Variants in MTG1 observed in about 807,000 individuals in gnomAD.
MTG1 encodes mitochondrial ribosome-associated GTPase 1.
In MTG1, 30 loss-of-function variants were observed where a neutral mutation model predicts 39.5. The ratio of observed to expected loss-of-function variants is 0.76; its 90% CI spans 0.57 to 1.03. MTG1 has a LOEUF of 1.03. Ranked by LOEUF, MTG1 falls within the 50% of genes least tolerant of loss-of-function variation. MTG1 has a pLI of 0.00. For missense variants in MTG1, 513 were observed against 447.4 expected, an observed-to-expected ratio of 1.15 and a Z score of -1.32; for synonymous variants, 217 against 179.0, an observed-to-expected ratio of 1.21 and a Z score of -1.69.
At position 133,419,703 on chromosome 10, in the gene MTG1, C is replaced by T. The variant is rs866526348; in HGVS notation, c.865+111C>T. The T allele has an allele frequency of 7.5e-5, 68 of 908,910 alleles. No individual in the cohort carries two copies. The African/African-American group carries it at 8.7e-4, about 12-fold the overall frequency. 56.3% of individuals were successfully genotyped at this position (908,910 alleles called of 1,614,324 possible). ...GAGGAACGTGTCAAGGAGCATGCGC[C>T]GGGTCTTCTGGGAATGGGTTTCAGG... is the stretch of plus-strand genomic sequence containing the variant. On this transcript the variant is annotated intron_variant, in intron 10 of 10. Transcript: ENST00000317502.
rs751647817 is a variant in MTG1 at position 133,419,603 on chromosome 10, T to C, written c.865+11T>C. On this transcript the variant is annotated intron_variant, in intron 10 of 10. Transcript: ENST00000317502. ...TGCTCACGGGCACGGGTGAGTGAGGTCGCTGATGCGGGCACCGGAGCCTCA... is the reference window on the plus strand; with the variant it reads ...TGCTCACGGGCACGGGTGAGTGAGGCCGCTGATGCGGGCACCGGAGCCTCA... 1 of 1,585,274 alleles carries C rather than the reference T, an allele frequency of 6.3e-7. No individual in the cohort carries two copies. The highest frequency in any genetic ancestry group is 2.3e-5 in the East Asian group (1 of 43,584).
chr10:133,402,299 C>G lies in MTG1; in HGVS notation c.670+54C>G. On this transcript the variant is annotated intron_variant, in intron 8 of 10. Coordinates refer to ENST00000317502, the MANE Select transcript of MTG1 (RefSeq NM_138384.4). The surrounding 1 kb of genome is among the most constrained non-coding windows in gnomAD (Gnocchi z 4.7). ...GCTGGGACCGGGGCCCCTGCCACCCCACCTTTAGGGCTGGCTTTGGCACAG... is the reference window on the plus strand; with the variant it reads ...GCTGGGACCGGGGCCCCTGCCACCCGACCTTTAGGGCTGGCTTTGGCACAG... 1 of 1,605,052 alleles carries G rather than the reference C, an allele frequency of 6.2e-7. No individual in the cohort carries two copies. Among genetic ancestry groups the G allele is most frequent in the Admixed American group, 1.7e-5 (1 of 59,992 alleles).
Position 133,420,206 on chromosome 10 carries a change from A to G in MTG1, c.*41A>G. On this transcript the variant is annotated 3_prime_UTR_variant, in exon 11 of 11. Coordinates refer to ENST00000317502, the MANE Select transcript of MTG1 (RefSeq NM_138384.4). Reference sequence around the variant, plus strand: ...GAGGGCCGGAGGCATGTGGCCTCCCAGACCTCCTGACCTGGGTGGTTGAGG... The same window carrying G: ...GAGGGCCGGAGGCATGTGGCCTCCCGGACCTCCTGACCTGGGTGGTTGAGG... 2 of 1,569,102 alleles carry G rather than the reference A, an allele frequency of 1.3e-6. No individual in the cohort carries two copies. Among genetic ancestry groups the G allele is most frequent in the Non-Finnish European group, 1.7e-6 (2 of 1,158,088 alleles).
rs200970219 is a variant in MTG1, at chr10:133,419,432, C to T, written c.753-48C>T. On this transcript the variant is annotated intron_variant, in intron 9 of 10. Coordinates refer to ENST00000317502, the MANE Select transcript of MTG1 (RefSeq NM_138384.4). Reference sequence around the variant, plus strand: ...GAAGGGCCCGGCCTGGCTGGCCGCGCGGTGTCAGTGCTGGGCCCCCTGGTG... The same window carrying T: ...GAAGGGCCCGGCCTGGCTGGCCGCGTGGTGTCAGTGCTGGGCCCCCTGGTG... The T allele has an allele frequency of 5.7e-5, 86 of 1,502,702 alleles. 1 individual carries two copies. In the Admixed American group the frequency reaches 8.8e-4, roughly 15 times the overall value. 93.1% of individuals were successfully genotyped at this position (1,502,702 alleles called of 1,614,324 possible).
At chr10:133,406,665 CT>C (rs34249527) in intron 9 of MTG1, among the ~76,000 whole-genome samples, 9,104 of 122,716 alleles carry the variant, frequency 0.074, 206 homozygotes, top group Middle Eastern at 0.14. Context: ...AGATTTAAGT[CT>C]TTTTTTTTTT....
chr10:133,418,312 C>T lies in MTG1; in HGVS notation c.753-1168C>T, dbSNP rs146542357. On this transcript the variant is annotated intron_variant, in intron 9 of 10. Coordinates refer to ENST00000317502, the MANE Select transcript of MTG1 (RefSeq NM_138384.4). ...GTGAGCCACCATGCCTGGCTGGATG[C>T]CATGTATTTTGAGTTTCACCTTGTT... is the stretch of plus-strand genomic sequence containing the variant. Among the ~76,000 whole-genome samples the T allele has an allele frequency of 7.1e-3, 1,086 of 152,298 alleles. 6 individuals are homozygous for T. Among genetic ancestry groups the T allele is most frequent in the Admixed American group, 0.011 (165 of 15,300 alleles).
chr10:133,405,701 G>A (rs1005944825), intron 9 of MTG1, among the ~76,000 whole-genome samples: 4 of 152,166 alleles, frequency 2.6e-5, no homozygotes, highest in African/African-American at 9.7e-5. Flanking sequence ...ATTTCATTGT[G>A]TTTTATGTAC....
At chr10:133,401,764 CAT>C (rs772291046) in intron 7 of MTG1, 174 bp downstream of exon 7, 98 of 729,656 alleles carry the variant, frequency 1.3e-4, no homozygotes, top group Admixed American at 2.0e-5. Context: ...CCACAGTCGT[CAT>C]AGTCTTTGCG....
intron 9 of MTG1, 136 bp from the exon 10 acceptor site, chr10:133,419,344 C>T: frequency 1.6e-6 from 1 of 636,940 alleles, no homozygotes. Context: ...TGGTCATCCA[C>T]AGCGCCGCAG....
At chr10:133,409,931 G>A (rs1455101107) in intron 9 of MTG1, among the ~76,000 whole-genome samples, 1 of 145,420 alleles carries the variant, frequency 6.9e-6, no homozygotes, top group Non-Finnish European at 1.5e-5. Flanking sequence ...CTGTTTACAT[G>A]GAATATGTTT....
At chr10:133,417,721 T>C (rs1441877818) in intron 9 of MTG1, among the ~76,000 whole-genome samples, 6 of 152,176 alleles carry the variant, frequency 3.9e-5, no homozygotes, top group Non-Finnish European at 8.8e-5. Context: ...ACCAGCATTC[T>C]TATACACCAA....
intron 9 of MTG1, among the ~76,000 whole-genome samples, chr10:133,405,831 A>G (rs1349725402): frequency 6.6e-6 from 1 of 152,132 alleles, no homozygotes; most frequent in African/African-American, 2.4e-5. Context: ...ATTGATTTCC[A>G]TTCTTTTGGG....
At chr10:133,398,376 G>C in intron 3 of MTG1, 59 bp from the exon 4 acceptor site, 2 of 1,558,590 alleles carry the variant, frequency 1.3e-6, no homozygotes, top group South Asian at 1.2e-5. Context: ...CTCCAGCCTG[G>C]GTGACAGAGC....
chr10:133,409,246 C>T (rs867801472), intron 9 of MTG1, among the ~76,000 whole-genome samples: 6 of 151,842 alleles, frequency 4.0e-5, no homozygotes. Context: ...TTTCCATTTC[C>T]GTTTGTTTGA....
chr10:133,399,380 G>C, intron 5 of MTG1, 149 bp from the exon 6 acceptor site: 1 of 1,179,480 alleles, frequency 8.5e-7, no homozygotes, highest in African/African-American at 1.5e-5. Flanking sequence ...GGCCGAGGCC[G>C]TCCCCGCTGG....
intron 1 of MTG1, chr10:133,394,724 C>T: frequency 1.9e-6 from 2 of 1,032,270 alleles, no homozygotes; most frequent in Non-Finnish European, 2.3e-6. Context: ...CTAAATGAAA[C>T]AGTGGGTATG....
At chr10:133,419,896 G>A in intron 10 of MTG1, 130 bp from the exon 11 acceptor site, 1 of 1,146,884 alleles carries the variant, frequency 8.7e-7, no homozygotes, top group Non-Finnish European at 1.2e-6. Flanking sequence ...TTCTTTCTGA[G>A]TGTGATCCCG....
chr10:133,396,168 A>G lies in MTG1; in HGVS notation c.183A>G (p.Pro61=). ...TTTTACCTTAATTTTGCCACATCCCACTTTCAGGCCGCAACCCTCTGTTTC... is the reference window on the plus strand; with the variant it reads ...TTTTACCTTAATTTTGCCACATCCCGCTTTCAGGCCGCAACCCTCTGTTTC... ...CIIEVHDARI[P]LSGRNPLFQE... is the part of the protein sequence containing the mutation. The change falls in exon 3 of 11, where the codon CCA becomes CCG. Residue 61 remains proline, a synonymous_variant. Transcript: ENST00000317502. 1.2e-6 allele frequency: 2 copies of G among 1,613,826 alleles called. No individual in the cohort carries two copies. Among genetic ancestry groups the G allele is most frequent in the Non-Finnish European group, 1.7e-6 (2 of 1,179,782 alleles).
Position 133,420,351 on chromosome 10 carries a change from G to A in MTG1, c.*186G>A, listed in dbSNP as rs144270389. On this transcript the variant is annotated 3_prime_UTR_variant, in exon 11 of 11. Coordinates refer to ENST00000317502, the MANE Select transcript of MTG1 (RefSeq NM_138384.4). ...AGTTGCAGGGCCCAAGCAGGTGGGA[G>A]TGGACACCAGGCTTCCCAGTGGACG... 2.5e-3 allele frequency: 1,515 copies of A among 614,232 alleles called. 9 individuals carry two copies. Among genetic ancestry groups the A allele is most frequent in the African/African-American group, 0.021 (1,103 of 53,088 alleles). 38.0% of individuals were successfully genotyped at this position (614,232 alleles called of 1,614,324 possible).
Sources: allele counts gnomAD v4.1 joint callset (sites outside exome capture counted in the v4.1 genomes callset), GRCh38; gene constraint gnomAD v4.1.1; non-coding constraint Gnocchi (gnomAD v3.1); transcripts MANE v1.5; gene names NCBI Gene and HGNC (gene_info 2026-07-23, HGNC 2026-07-21).